Variants in SP3 observed in about 807,000 individuals in gnomAD.
SP3 encodes the protein transcription factor Sp3.
SP3 carries 10 observed loss-of-function variants against 70.3 expected under a neutral mutation model. The observed-to-expected ratio is 0.14, with a 90% confidence interval of 0.09 to 0.24. SP3 has a LOEUF of 0.24. SP3 is among the 10% of genes least tolerant of loss of function. SP3 has a pLI of 1.00. For missense variants in SP3, 825 were observed against 914.6 expected (o/e 0.90, Z 1.26); for synonymous variants, 402 against 333.5 (o/e 1.21, Z -2.24).
intron 4 of SP3, among the ~76,000 whole-genome samples, chr2:173,946,746 A>G (rs1489968979): frequency 1.4e-5 from 2 of 139,048 alleles, no homozygotes; most frequent in Admixed American, 8.2e-5. Context: ...TTTTTAAGAC[A>G]GGGCCTCGGT....
rs1012004654 is a variant in SP3 at position 173,910,268 on chromosome 2, A to G, written c.2030-11T>C. ...CAAATTTCTTCTCACCTGTTAAGAA[A>G]AAAATTAAGTTACTTGGTTTTAAAA... is the stretch of plus-strand genomic sequence containing the variant. On this transcript the variant is annotated splice_polypyrimidine_tract_variant and intron_variant, in intron 6 of 6. Coordinates refer to ENST00000310015, the MANE Select transcript of SP3 (RefSeq NM_003111.5). The G allele has an allele frequency of 1.2e-6, 2 of 1,610,780 alleles. No individual in the cohort carries two copies. The highest frequency in any genetic ancestry group is 1.3e-5 in the African/African-American group (1 of 74,840).
At chr2:173,942,930 T>C (rs1052989943) in intron 4 of SP3, among the ~76,000 whole-genome samples, 1 of 152,194 alleles carries the variant, frequency 6.6e-6, no homozygotes, top group African/African-American at 2.4e-5. Flanking sequence ...GCATTTACAT[T>C]ATATTAGGTA....
intron 4 of SP3, among the ~76,000 whole-genome samples, chr2:173,954,439 G>T (rs1690814894): frequency 6.6e-6 from 1 of 152,072 alleles, no homozygotes; most frequent in Admixed American, 6.6e-5. Context: ...CACACACCTA[G>T]CAAGTGGCTG....
rs547113526 is a variant in SP3 at position 173,905,968 on chromosome 2, G to GT, written c.*3972dup. Among the ~76,000 whole-genome samples, 11 of 152,330 alleles carry GT rather than the reference G, an allele frequency of 7.2e-5. No individual in the cohort carries two copies. In the South Asian group the frequency reaches 2.3e-3, roughly 32 times the overall value. The stretch of plus-strand genomic sequence containing the variant: ...TAAGCCATGATTGCACCACTGCACT[G>GT]TGTGACAGAGACAGACCCTGTCAAA... On this transcript the variant is annotated 3_prime_UTR_variant, in exon 7 of 7. Transcript: ENST00000310015.
At chr2:173,953,232 GAT>G (rs1406212552) in intron 4 of SP3, among the ~76,000 whole-genome samples, 1 of 152,238 alleles carries the variant, frequency 6.6e-6, no homozygotes, top group Non-Finnish European at 1.5e-5. Context: ...TCACTGCCTT[GAT>G]TTATGCTAAG....
At chr2:173,919,426 G>A (rs773442658) in intron 4 of SP3, among the ~76,000 whole-genome samples, 2 of 152,090 alleles carry the variant, frequency 1.3e-5, no homozygotes, top group Non-Finnish European at 2.9e-5. Context: ...TTCAGTACCA[G>A]GCACTTAAGT....
intron 4 of SP3, among the ~76,000 whole-genome samples, chr2:173,950,548 G>A (rs140203281): frequency 5.7e-4 from 87 of 151,892 alleles, no homozygotes; most frequent in African/African-American, 2.0e-3. Context: ...GCATGGTGGC[G>A]CTAGCCTGTA....
chr2:173,928,135 C>A (rs1185579186), intron 4 of SP3, among the ~76,000 whole-genome samples: 1 of 152,088 alleles, frequency 6.6e-6, no homozygotes, highest in South Asian at 2.1e-4. Flanking sequence ...GGAAAGCAGT[C>A]GGAATTGTTA....
rs1689231207 is a variant in SP3 at position 173,903,575 on chromosome 2, CTAAG to C, written c.*6362_*6365del. On this transcript the variant is annotated 3_prime_UTR_variant, in exon 7 of 7. Coordinates refer to ENST00000310015, the MANE Select transcript of SP3 (RefSeq NM_003111.5). ...TTAAAGGATCAGGGTGTGAGGAGGACTAAGTAATTGGGTATACATAATTAAAAGA... is the reference window on the plus strand; with the variant it reads ...TTAAAGGATCAGGGTGTGAGGAGGACTAATTGGGTATACATAATTAAAAGA... Among the ~76,000 whole-genome samples the C allele has an allele frequency of 6.6e-6, 1 of 152,130 alleles. No homozygotes were observed. The highest frequency in any genetic ancestry group is 2.4e-5 in the African/African-American group (1 of 41,424).
At chr2:173,922,883 T>A (rs1468023705) in intron 4 of SP3, among the ~76,000 whole-genome samples, 2 of 151,994 alleles carry the variant, frequency 1.3e-5, no homozygotes, top group Non-Finnish European at 1.5e-5. Flanking sequence ...AGGGTTTTGC[T>A]ATAAAAGCAA....
At chr2:173,942,471 C>A (rs560805950) in intron 4 of SP3, among the ~76,000 whole-genome samples, 1 of 152,276 alleles carries the variant, frequency 6.6e-6, no homozygotes, top group African/African-American at 2.4e-5. Context: ...GAGGCTGAGG[C>A]AGGAGAAACG....
rs1689398778 is a variant in SP3, at chr2:173,908,882, A to G, written c.*1059T>C. ...AAGAAGCAAAAAAGGAAAATGATTG[A>G]TATTTAAGTGCAGACTGACTACCTA... On this transcript the variant is annotated 3_prime_UTR_variant, in exon 7 of 7. Transcript: ENST00000310015. 6.6e-6 allele frequency: 1 copy of G among 152,214 alleles called. No homozygotes were observed. The highest frequency in any genetic ancestry group is 1.5e-5 in the Non-Finnish European group (1 of 67,848). 9.4% of individuals were successfully genotyped at this position (152,214 alleles called of 1,614,324 possible).
chr2:173,926,826 T>A (rs1392688163), intron 4 of SP3, among the ~76,000 whole-genome samples: 3 of 152,178 alleles, frequency 2.0e-5, no homozygotes, highest in Admixed American at 2.0e-4. Flanking sequence ...AAAATAGCCA[T>A]GACAGAACAG....
rs1397060024 is a variant in SP3 at position 173,906,688 on chromosome 2, T to C, written c.*3253A>G. 6.6e-6 allele frequency: 1 copy of C among 152,186 alleles called. No individual in the cohort carries two copies. The highest frequency in any genetic ancestry group is 1.5e-5 in the Non-Finnish European group (1 of 68,032). 9.4% of individuals were successfully genotyped at this position (152,186 alleles called of 1,614,324 possible). On this transcript the variant is annotated 3_prime_UTR_variant, in exon 7 of 7. Coordinates refer to ENST00000310015, the MANE Select transcript of SP3 (RefSeq NM_003111.5). Reference sequence around the variant, plus strand: ...TTTTTCATAAAACAAAACTTTTGGGTCTGAGTAGGCAGTACTGGAATTTAA... The same window carrying C: ...TTTTTCATAAAACAAAACTTTTGGGCCTGAGTAGGCAGTACTGGAATTTAA...
intron 4 of SP3, among the ~76,000 whole-genome samples, chr2:173,923,849 T>C (rs934671909): frequency 7.9e-5 from 12 of 152,104 alleles, no homozygotes; most frequent in African/African-American, 2.6e-4. Context: ...ATAAAAATCA[T>C]CTAACAGAAC....
Position 173,965,345 on chromosome 2 carries a change from T to C in SP3, c.-174A>G. The C allele has an allele frequency of 1.4e-6, 1 of 726,944 alleles. No individual in the cohort carries two copies. Among genetic ancestry groups the C allele is most frequent in the Non-Finnish European group, 2.3e-6 (1 of 443,898 alleles). 45.0% of individuals were successfully genotyped at this position (726,944 alleles called of 1,614,324 possible). ...TGCGGGAAACACAAAAGGTGGAGCC[T>C]CCAGCCCAAAAGGGGGGAAGAGGGT... On this transcript the variant is annotated 5_prime_UTR_variant, in exon 1 of 7. Coordinates refer to ENST00000310015, the MANE Select transcript of SP3 (RefSeq NM_003111.5).
At chr2:173,964,331 G>A in intron 2 of SP3, 74 bp downstream of exon 2, 1 of 629,504 alleles carries the variant, frequency 1.6e-6, no homozygotes, top group South Asian at 1.7e-5. Context: ...GTGAGGCGAG[G>A]AGGGAGGGGA....
chr2:173,955,387 C>A lies in SP3; in HGVS notation c.1125G>T (p.Ser375=), dbSNP rs369476726. 16 of 1,613,948 alleles carry A rather than the reference C, an allele frequency of 9.9e-6. No individual in the cohort carries two copies. Among genetic ancestry groups the A allele is most frequent in the African/African-American group, 5.3e-5 (4 of 74,988 alleles). ...GTGCCTGTGTCTCTTCAGAAACAGG[C>A]GACTGGATATAATTTCCCTGAAGAT... ...SSDLQGNYIQ[S]PVSEETQAQN... is the part of the protein sequence containing the mutation. The change falls in exon 4 of 7, where the codon TCG becomes TCT. Residue 375 remains serine (S), a synonymous_variant. Coordinates refer to ENST00000310015, the MANE Select transcript of SP3 (RefSeq NM_003111.5).
chr2:173,926,593 G>GTT (rs1689916230), intron 4 of SP3, among the ~76,000 whole-genome samples: 1 of 152,096 alleles, frequency 6.6e-6, no homozygotes, highest in African/African-American at 2.4e-5. Context: ...GAGTCCAGGT[G>GTT]TTTGAGACTG....
Sources: allele counts gnomAD v4.1 joint callset (sites outside exome capture counted in the v4.1 genomes callset), GRCh38; gene constraint gnomAD v4.1.1; transcripts MANE v1.5; gene names NCBI Gene and HGNC (gene_info 2026-07-23, HGNC 2026-07-21).